RSU1: variants seen among roughly 807,000 people sequenced by gnomAD.
RSU1 encodes the protein rsu-1.
RSU1 carries 26 observed loss-of-function variants against 31.1 expected under a neutral mutation model. The observed-to-expected ratio is 0.84, with a 90% CI of 0.61 to 1.16. The LOEUF (loss-of-function observed/expected upper bound fraction) is 1.16, where lower values mean the gene tolerates loss of function less well. Among genes scored for constraint, RSU1 ranks in the 50% most tolerant of loss-of-function variants. The probability of loss-of-function intolerance (pLI) is 0.00; values close to 1 mark genes in which losing one functional copy is unlikely to be tolerated. For synonymous variants in RSU1, 164 were observed against 136.3 expected (o/e 1.20, Z -1.41); for missense variants, 320 against 339.1 (o/e 0.94, Z 0.44).
intron 8 of RSU1, among the ~76,000 whole-genome samples, chr10:16,594,059 C>T (rs992992027): frequency 5.3e-5 from 8 of 152,208 alleles, no homozygotes; most frequent in Admixed American, 1.3e-4. Flanking sequence ...CATTGCGCAG[C>T]GAAGCTGGCT....
At chr10:16,649,269 AG>A (rs1249580144) in intron 8 of RSU1, among the ~76,000 whole-genome samples, 1 of 152,238 alleles carries the variant, frequency 6.6e-6, no homozygotes, top group Non-Finnish European at 1.5e-5. Context: ...TATGAAAACG[AG>A]GAATTAAATC....
At chr10:16,727,513 A>G (rs1412831347) in intron 7 of RSU1, among the ~76,000 whole-genome samples, 1 of 152,154 alleles carries the variant, frequency 6.6e-6, no homozygotes, top group Non-Finnish European at 1.5e-5. Flanking sequence ...GCGAGGTAAC[A>G]ACGGCTGGAA....
intron 8 of RSU1, among the ~76,000 whole-genome samples, chr10:16,632,015 A>G (rs1280778323): frequency 6.6e-6 from 1 of 152,098 alleles, no homozygotes; most frequent in Non-Finnish European, 1.5e-5. Flanking sequence ...CTTGACTGAC[A>G]AGCTCTTCCA....
At chr10:16,655,015 G>A (rs1359402126) in intron 8 of RSU1, among the ~76,000 whole-genome samples, 3 of 137,786 alleles carry the variant, frequency 2.2e-5, no homozygotes, top group Non-Finnish European at 3.0e-5. Flanking sequence ...AGTGAGCCAC[G>A]AATGTGCCTG....
intron 8 of RSU1, among the ~76,000 whole-genome samples, chr10:16,631,522 G>A (rs1055265911): frequency 2.0e-5 from 3 of 152,138 alleles, no homozygotes; most frequent in African/African-American, 7.2e-5. Context: ...CCTGTACTGT[G>A]CCCTAGAACA....
Position 16,654,306 on chromosome 10 carries a change from G to A in RSU1, c.731+40717C>T, listed in dbSNP as rs190929815. 3.8e-4 allele frequency among the ~76,000 whole-genome samples: 54 copies of A among 143,510 alleles called. 1 individual carries two copies. In the East Asian group the frequency reaches 0.01, roughly 27 times the overall value. 94.1% of individuals were successfully genotyped at this position (143,510 alleles called of 152,430 possible). ...GTGTGTGCCACCGCTCATATGGTGTGACCCTGAAACACAAATGTGTGCCAT... is the reference window on the plus strand; with the variant it reads ...GTGTGTGCCACCGCTCATATGGTGTAACCCTGAAACACAAATGTGTGCCAT... On this transcript the variant is annotated intron_variant, in intron 8 of 8. Coordinates refer to ENST00000345264, the MANE Select transcript of RSU1 (RefSeq NM_012425.4).
At chr10:16,714,753 G>A (rs1487377455) in intron 7 of RSU1, among the ~76,000 whole-genome samples, 2 of 152,104 alleles carry the variant, frequency 1.3e-5, no homozygotes, top group Non-Finnish European at 2.9e-5. Flanking sequence ...GATGAAAAGA[G>A]TCAATTGCTA....
At chr10:16,627,047 C>A (rs1023674645) in intron 8 of RSU1, among the ~76,000 whole-genome samples, 3 of 152,194 alleles carry the variant, frequency 2.0e-5, no homozygotes, top group African/African-American at 7.2e-5. Flanking sequence ...TGAGGTGAGA[C>A]TGAATTTGGG....
chr10:16,699,842 G>T (rs1022524818), intron 7 of RSU1, among the ~76,000 whole-genome samples: 3 of 152,328 alleles, frequency 2.0e-5, no homozygotes, highest in African/African-American at 7.2e-5. Context: ...TATGAAGATC[G>T]TATATCACTC....
chr10:16,737,570 CA>C (rs1244599766), intron 7 of RSU1, among the ~76,000 whole-genome samples: 1 of 151,276 alleles, frequency 6.6e-6, no homozygotes, highest in Non-Finnish European at 1.5e-5. Flanking sequence ...AATTAATGAC[CA>C]AAAAGAACTG....
intron 3 of RSU1, 87 bp from the exon 4 acceptor site, chr10:16,764,597 G>A: frequency 7.2e-7 from 1 of 1,385,556 alleles, no homozygotes; most frequent in Non-Finnish European, 9.8e-7. Flanking sequence ...TTCTTTCAAA[G>A]CAAAGAAAGA....
intron 4 of RSU1, among the ~76,000 whole-genome samples, chr10:16,756,328 A>G (rs2131623470): frequency 6.6e-6 from 1 of 152,278 alleles, no homozygotes; most frequent in Middle Eastern, 3.4e-3. Flanking sequence ...TTTTGTGTGC[A>G]TTTTATCACA....
chr10:16,781,574 T>C (rs1251374404), intron 3 of RSU1, among the ~76,000 whole-genome samples: 2 of 152,266 alleles, frequency 1.3e-5, no homozygotes, highest in African/African-American at 4.8e-5. Context: ...GTTTTGCTCA[T>C]GAAATGCTCA....
intron 3 of RSU1, among the ~76,000 whole-genome samples, chr10:16,768,957 C>T (rs190051335): frequency 8.1e-4 from 123 of 152,338 alleles, no homozygotes; most frequent in African/African-American, 2.8e-3. Flanking sequence ...TGAGCAACAG[C>T]TTTACTCCTA....
At chr10:16,626,976 T>C (rs1219609617) in intron 8 of RSU1, among the ~76,000 whole-genome samples, 1 of 152,222 alleles carries the variant, frequency 6.6e-6, no homozygotes, top group Non-Finnish European at 1.5e-5. Flanking sequence ...AAATCTGTTT[T>C]ATATGTGAAT....
At chr10:16,806,351 A>T (rs553977129) in intron 2 of RSU1, among the ~76,000 whole-genome samples, 1 of 152,318 alleles carries the variant, frequency 6.6e-6, no homozygotes, top group South Asian at 2.1e-4. Flanking sequence ...TATGACTGTC[A>T]GAAACCAGTA....
intron 7 of RSU1, among the ~76,000 whole-genome samples, chr10:16,741,056 A>C (rs957867605): frequency 6.6e-6 from 1 of 152,246 alleles, no homozygotes; most frequent in Non-Finnish European, 1.5e-5. Context: ...CCCAATTTAA[A>C]AACTTACTAC....
chr10:16,766,614 C>G (rs1837320261), intron 3 of RSU1, among the ~76,000 whole-genome samples: 1 of 152,054 alleles, frequency 6.6e-6, no homozygotes. Context: ...ACTCGGGAAG[C>G]TGAGGCAGGA....
intron 2 of RSU1, among the ~76,000 whole-genome samples, chr10:16,814,448 C>T (rs1258572257): frequency 2.8e-5 from 1 of 36,224 alleles, no homozygotes; most frequent in Admixed American, 4.3e-4. Flanking sequence ...ACCCTGTTTT[C>T]AGGAAAAAAA....
Sources: allele counts gnomAD v4.1 joint callset (sites outside exome capture counted in the v4.1 genomes callset), GRCh38; gene constraint gnomAD v4.1.1; transcripts MANE v1.5; gene names NCBI Gene and HGNC (gene_info 2026-07-23, HGNC 2026-07-21).